The following PODXL variants were observed in gnomAD, a reference collection of about 807,000 sequenced individuals.
PODXL encodes the protein podocalyxin like, also known as podocalyxin.
A neutral mutation model predicts 48.9 loss-of-function variants in PODXL; 20 were observed. The observed-to-expected ratio is 0.41, with a 90% confidence interval of 0.29 to 0.59. PODXL has a LOEUF of 0.59. Among genes scored for constraint, PODXL ranks in the 20% least tolerant of loss-of-function variants. The pLI, the probability that PODXL is intolerant of heterozygous loss-of-function variation, is 0.31. For missense variants in PODXL, 606 were observed against 675.1 expected, an observed-to-expected ratio of 0.90 and a Z score of 1.13; for synonymous variants, 295 against 287.4, an observed-to-expected ratio of 1.03 and a Z score of -0.27.
chr7:131,535,924 A>G (rs1327621088), intron 1 of PODXL, among the ~76,000 whole-genome samples: 1 of 152,058 alleles, frequency 6.6e-6, no homozygotes, highest in Non-Finnish European at 1.5e-5. Flanking sequence ...ACCCTGCCCA[A>G]CTAATTAATT....
At position 131,505,851 on chromosome 7, in the gene PODXL, T is replaced by C. The variant is rs775517490; in HGVS notation, c.1479+17A>G. ...ACCTGGGCTGCTTCCCCTGTGTGGC[T>C]GCAAACAGCTGCTTACCTGGTCCTT... is the stretch of plus-strand genomic sequence containing the variant. On this transcript the variant is annotated intron_variant, in intron 8 of 8. Coordinates refer to ENST00000378555, the MANE Select transcript of PODXL (RefSeq NM_001018111.3). 1.3e-6 allele frequency: 2 copies of C among 1,548,486 alleles called. No homozygotes were observed. The highest frequency in any genetic ancestry group is 4.8e-5 in the East Asian group (2 of 41,726).
intron 4 of PODXL, 94 bp downstream of exon 4, chr7:131,509,271 C>T: frequency 9.7e-7 from 1 of 1,029,796 alleles, no homozygotes; most frequent in Non-Finnish European, 1.5e-6. Flanking sequence ...CAGCCAGGGG[C>T]CCTGCGTTGG....
At chr7:131,514,226 C>T (rs976292570) in intron 1 of PODXL, among the ~76,000 whole-genome samples, 1 of 152,174 alleles carries the variant, frequency 6.6e-6, no homozygotes, top group Admixed American at 6.5e-5. Flanking sequence ...CCAGCCTGGC[C>T]AACATTGTGA....
At chr7:131,532,476 A>G (rs1301382524) in intron 1 of PODXL, among the ~76,000 whole-genome samples, 2 of 149,412 alleles carry the variant, frequency 1.3e-5, no homozygotes, top group African/African-American at 4.9e-5. Flanking sequence ...TAATAATAAT[A>G]ATCACACGTT....
chr7:131,506,485 G>A, intron 6 of PODXL, 94 bp downstream of exon 6: 2 of 1,452,606 alleles, frequency 1.4e-6, no homozygotes, highest in South Asian at 1.2e-5. Context: ...AACTGAAGGG[G>A]CACCACTGTG....
intron 1 of PODXL, among the ~76,000 whole-genome samples, chr7:131,532,521 G>GGT (rs1370543733): frequency 5.4e-4 from 3 of 5,508 alleles, no homozygotes; most frequent in Non-Finnish European, 1.2e-3. Context: ...TTTTTTTGGA[G>GGT]GGGGGGTACA....
chr7:131,543,547 C>T (rs575086801), intron 1 of PODXL, among the ~76,000 whole-genome samples: 7 of 152,176 alleles, frequency 4.6e-5, no homozygotes, highest in African/African-American at 1.2e-4. Context: ...CAAGTAGAGA[C>T]GAGCAAGCAG....
At chr7:131,548,040 TCGG>T (rs1163920223) in intron 1 of PODXL, among the ~76,000 whole-genome samples, 46 of 152,220 alleles carry the variant, frequency 3.0e-4, no homozygotes, top group African/African-American at 8.9e-4. Context: ...CTGGGACACC[TCGG>T]ATCCCTGTTG....
At position 131,510,850 on chromosome 7, in the gene PODXL, G is replaced by A. The variant is rs1341146264; in HGVS notation, c.684C>T (p.Ser228=). ...TVAIPGYTFT[S]PGMTTTLLET... ...TACGTAGGGTGGTGGTCATCCCCGGGCTTGTGAAGGTGTAGCCAGGGATAG... is the reference window on the plus strand; with the variant it reads ...TACGTAGGGTGGTGGTCATCCCCGGACTTGTGAAGGTGTAGCCAGGGATAG... The change falls in exon 2 of 9, where the codon AGC becomes AGT. Residue 228 remains serine (S), a synonymous_variant. Coordinates refer to ENST00000378555, the MANE Select transcript of PODXL (RefSeq NM_001018111.3). The A allele has an allele frequency of 3.7e-6, 6 of 1,614,008 alleles. 1 individual carries two copies. The South Asian group carries it at 6.6e-5, about 18-fold the overall frequency.
rs1016644381 is a variant in PODXL at position 131,508,921 on chromosome 7, C to A, written c.1101+30G>T. The A allele has an allele frequency of 3.3e-6, 5 of 1,511,732 alleles. No homozygotes were observed. In the African/African-American group the frequency reaches 6.9e-5, roughly 21 times the overall value. The allele number at this position is 1,511,732 out of a possible 1,614,324, so 93.6% of individuals were successfully genotyped here. A position where few individuals can be genotyped will look rare whatever the true frequency, so the allele number is the denominator to read the frequency against. On this transcript the variant is annotated intron_variant, in intron 5 of 8. Coordinates refer to ENST00000378555, the MANE Select transcript of PODXL (RefSeq NM_001018111.3). Reference sequence around the variant, plus strand: ...CCCTCAGCCCTGCTGTGAGCCTGCACCTGGCGGCTCAGATCAGCAAGCTAC... The same window carrying A: ...CCCTCAGCCCTGCTGTGAGCCTGCAACTGGCGGCTCAGATCAGCAAGCTAC...
intron 1 of PODXL, among the ~76,000 whole-genome samples, chr7:131,525,426 CAAA>C (rs57927217): frequency 6.6e-4 from 39 of 59,232 alleles, no homozygotes; most frequent in African/African-American, 2.3e-3. Flanking sequence ...TCATCTCTAC[CAAA>C]AAAAAAAAAA....
chr7:131,507,818 A>G (rs1328903496), intron 5 of PODXL, among the ~76,000 whole-genome samples: 1 of 152,212 alleles, frequency 6.6e-6, no homozygotes, highest in Non-Finnish European at 1.5e-5. Flanking sequence ...CAGCCCTAGG[A>G]GAGCACTGCT....
chr7:131,518,196 G>A (rs768995895), intron 1 of PODXL, among the ~76,000 whole-genome samples: 2 of 152,144 alleles, frequency 1.3e-5, no homozygotes, highest in Non-Finnish European at 2.9e-5. Flanking sequence ...ACCTGAACAT[G>A]TCTTTTTGCG....
At position 131,510,259 on chromosome 7, in the gene PODXL, G is replaced by A; in HGVS notation, c.779C>T (p.Ala260Val). ...ACCTGTAATCCCAGCACTTTGGGAG[G>A]CCAAGGTGGGCAGATCACCCGAGGT... ...LLTSGDLPTL[A>V]SQSAGITASS... The change falls in exon 3 of 9, where the codon GCC becomes GTC. Residue 260 changes from alanine to valine, a missense_variant. By Grantham distance (64) the Ala-to-Val change is moderately conservative. Coordinates refer to ENST00000378555, the MANE Select transcript of PODXL (RefSeq NM_001018111.3). 2 of 434,254 alleles carry A rather than the reference G, an allele frequency of 4.6e-6. No homozygotes were observed. Among genetic ancestry groups the A allele is most frequent in the South Asian group, 1.6e-5 (1 of 62,664 alleles). The allele number at this position is 434,254 out of a possible 1,614,324, so 26.9% of individuals were successfully genotyped here.
chr7:131,513,671 A>C, intron 1 of PODXL, among the ~76,000 whole-genome samples: 1 of 152,128 alleles, frequency 6.6e-6, no homozygotes, highest in East Asian at 1.9e-4. Context: ...GACATCATGC[A>C]TGGAGGTGAG....
chr7:131,525,644 A>C (rs1322267107), intron 1 of PODXL, among the ~76,000 whole-genome samples: 1 of 151,598 alleles, frequency 6.6e-6, no homozygotes, highest in Non-Finnish European at 1.5e-5. Context: ...CTCGCTGAAG[A>C]GGGTGGAGAA....
At position 131,556,401 on chromosome 7, in the gene PODXL, C is replaced by G; in HGVS notation, c.-42G>C. ...GGCCGGGAGCAGGTGGCTGCGGTGC[C>G]GGCGGAGGATCCGCGCGTCCGGGCG... On this transcript the variant is annotated 5_prime_UTR_variant, in exon 1 of 9. Coordinates refer to ENST00000378555, the MANE Select transcript of PODXL (RefSeq NM_001018111.3). The G allele has an allele frequency of 3.7e-6, 5 of 1,337,576 alleles. No individual in the cohort carries two copies. The highest frequency in any genetic ancestry group is 4.2e-5 in the South Asian group (2 of 47,172). The allele number at this position is 1,337,576 out of a possible 1,614,324, so 82.9% of individuals were successfully genotyped here.
intron 1 of PODXL, among the ~76,000 whole-genome samples, chr7:131,530,398 G>A (rs1337686249): frequency 6.6e-6 from 1 of 152,062 alleles, no homozygotes; most frequent in African/African-American, 2.4e-5. Flanking sequence ...TCCTTGTGAA[G>A]GACGTGATGC....
intron 1 of PODXL, among the ~76,000 whole-genome samples, chr7:131,541,299 T>C (rs1798477213): frequency 6.7e-6 from 1 of 150,052 alleles, no homozygotes; most frequent in African/African-American, 2.5e-5. Context: ...ATTTCTTTGG[T>C]GGTTTTTGAC....
Sources: allele counts gnomAD v4.1 joint callset (sites outside exome capture counted in the v4.1 genomes callset), GRCh38; gene constraint gnomAD v4.1.1; transcripts MANE v1.5; gene names NCBI Gene and HGNC (gene_info 2026-07-23, HGNC 2026-07-21).